Variants in FABP12 observed in about 807,000 individuals in gnomAD.
FABP12 encodes fatty acid-binding protein 12.
Under a neutral mutation model 13.7 loss-of-function variants are expected in FABP12, and 19 were observed. The ratio of observed to expected loss-of-function variants is 1.39; its 90% CI spans 0.97 to 2.04. The LOEUF (loss-of-function observed/expected upper bound fraction) is 2.04, where lower values mean the gene tolerates loss of function less well. FABP12 is among the 30% of genes most tolerant of loss of function. FABP12 has a pLI of 0.00. For synonymous variants in FABP12, 61 were observed against 57.0 expected (o/e 1.07, Z -0.32); for missense variants, 182 against 164.2 (o/e 1.11, Z -0.59).
At chr8:81,569,624 G>C (rs1008397211) in intron 1 of FABP12, among the ~76,000 whole-genome samples, 3 of 152,162 alleles carry the variant, frequency 2.0e-5, no homozygotes, top group Admixed American at 2.0e-4. Flanking sequence ...TGCAAACACA[G>C]TACATGCTCA....
At chr8:81,572,898 G>C (rs1031654801) in intron 1 of FABP12, among the ~76,000 whole-genome samples, 12 of 143,570 alleles carry the variant, frequency 8.4e-5, no homozygotes, top group Admixed American at 6.2e-4. Context: ...CCACTCTGTG[G>C]GTTGTTTGTT....
chr8:81,580,108 T>C (rs544837631), intron 1 of FABP12, among the ~76,000 whole-genome samples: 4 of 152,336 alleles, frequency 2.6e-5, no homozygotes, highest in Non-Finnish European at 5.9e-5. Context: ...GGTCAACAGC[T>C]GTCAGCTCCT....
intron 1 of FABP12, among the ~76,000 whole-genome samples, chr8:81,581,212 T>C (rs1185015798): frequency 6.6e-6 from 1 of 152,192 alleles, no homozygotes; most frequent in Non-Finnish European, 1.5e-5. Context: ...TAAAGGCTCT[T>C]ATGCCTTTGT....
chr8:81,571,671 A>G (rs1809934472), intron 1 of FABP12, among the ~76,000 whole-genome samples: 1 of 152,218 alleles, frequency 6.6e-6, no homozygotes, highest in Non-Finnish European at 1.5e-5. Context: ...ACCCAAACCA[A>G]CTTTTTCAGA....
At position 81,525,099 on chromosome 8, in the gene FABP12, TA is replaced by T; in HGVS notation, c.369del (p.Ile124SerfsTer28). On this transcript the variant is annotated frameshift_variant, in exon 5 of 5. Transcript: ENST00000360464. LOFTEE classifies it low-confidence loss of function (END_TRUNC). The stretch of plus-strand genomic sequence containing the variant: ...ACTTTCTCGTATGTTCGTGTACAGA[TA>T]ACACTGTTCACAGTACTTTCCTACA... The T allele has an allele frequency of 1.3e-6, 2 of 1,590,032 alleles. No individual in the cohort carries two copies. Among genetic ancestry groups the T allele is most frequent in the Non-Finnish European group, 8.6e-7 (1 of 1,165,524 alleles).
chr8:81,525,533 G>T (rs74980229), intron 4 of FABP12, among the ~76,000 whole-genome samples: 1 of 148,390 alleles, frequency 6.7e-6, no homozygotes, highest in Non-Finnish European at 1.5e-5. Context: ...AAAAAAAATA[G>T]ATAGATAGAT....
At chr8:81,546,758 T>C (rs928664262) in intron 1 of FABP12, among the ~76,000 whole-genome samples, 2 of 152,336 alleles carry the variant, frequency 1.3e-5, no homozygotes, top group African/African-American at 2.4e-5. Flanking sequence ...GTTTTTTTCA[T>C]CCAAGAAAAC....
At chr8:81,584,543 T>C (rs1810213440) in intron 1 of FABP12, among the ~76,000 whole-genome samples, 2 of 150,716 alleles carry the variant, frequency 1.3e-5, no homozygotes, top group African/African-American at 4.9e-5. Flanking sequence ...CACAGCTGCA[T>C]TGCCCTAGAT....
chr8:81,579,807 T>G (rs1810125937), intron 1 of FABP12, among the ~76,000 whole-genome samples: 1 of 152,252 alleles, frequency 6.6e-6, no homozygotes, highest in African/African-American at 2.4e-5. Flanking sequence ...ACCATATTTC[T>G]TTCAGCAATT....
At chr8:81,552,896 C>T (rs1809544445) in intron 1 of FABP12, among the ~76,000 whole-genome samples, 1 of 151,904 alleles carries the variant, frequency 6.6e-6, no homozygotes, top group Non-Finnish European at 1.5e-5. Context: ...AAGGGGATGT[C>T]CAGGGGGAAC....
chr8:81,527,785 C>A (rs942679838), intron 3 of FABP12, among the ~76,000 whole-genome samples: 2 of 151,914 alleles, frequency 1.3e-5, no homozygotes, highest in African/African-American at 4.8e-5. Context: ...ACAGTGAGAC[C>A]CCCATCTCCA....
intron 1 of FABP12, among the ~76,000 whole-genome samples, chr8:81,567,059 T>C (rs1261569056): frequency 1.3e-5 from 2 of 152,010 alleles, no homozygotes; most frequent in African/African-American, 4.8e-5. Context: ...TTACAATAGC[T>C]ACAAATAAAA....
At chr8:81,562,637 C>T (rs186933687) in intron 1 of FABP12, among the ~76,000 whole-genome samples, 18 of 152,270 alleles carry the variant, frequency 1.2e-4, no homozygotes, top group African/African-American at 4.1e-4. Context: ...CCAGGCAGTA[C>T]TCACTGTGGG....
intron 2 of FABP12, among the ~76,000 whole-genome samples, chr8:81,529,921 C>T (rs978333011): frequency 3.3e-5 from 5 of 152,070 alleles, no homozygotes; most frequent in African/African-American, 1.2e-4. Flanking sequence ...GATTTTTGAA[C>T]CCCTTTGAAA....
intron 1 of FABP12, among the ~76,000 whole-genome samples, chr8:81,555,314 T>C (rs768825013): frequency 2.0e-5 from 3 of 152,210 alleles, no homozygotes; most frequent in Non-Finnish European, 4.4e-5. Context: ...GACATTTCTA[T>C]GTACAGAGAA....
At chr8:81,533,618 G>A (rs192795574) in intron 1 of FABP12, among the ~76,000 whole-genome samples, 184 bp downstream of exon 1, 4 of 152,234 alleles carry the variant, frequency 2.6e-5, no homozygotes, top group African/African-American at 9.6e-5. Context: ...TGAAACCACT[G>A]CCCATTTTTA....
intron 1 of FABP12, among the ~76,000 whole-genome samples, chr8:81,541,433 T>C (rs1809337398): frequency 6.6e-6 from 1 of 152,088 alleles, no homozygotes; most frequent in Non-Finnish European, 1.5e-5. Context: ...GAAATACATA[T>C]CAGTTTCGAT....
At chr8:81,549,661 A>G (rs887557131) in intron 1 of FABP12, among the ~76,000 whole-genome samples, 1 of 152,224 alleles carries the variant, frequency 6.6e-6, no homozygotes, top group Admixed American at 6.5e-5. Context: ...TAGAAGTGAA[A>G]TAGGGTACTG....
intron 1 of FABP12, among the ~76,000 whole-genome samples, chr8:81,558,274 G>A (rs897277720): frequency 1.3e-5 from 2 of 152,172 alleles, no homozygotes; most frequent in Non-Finnish European, 2.9e-5. Context: ...TGAGTCAGAG[G>A]GGAGTCTCTT....
Sources: allele counts gnomAD v4.1 joint callset (sites outside exome capture counted in the v4.1 genomes callset), GRCh38; gene constraint gnomAD v4.1.1; transcripts MANE v1.5; gene names NCBI Gene and HGNC (gene_info 2026-07-23, HGNC 2026-07-21).